THUMPD1: variants seen among roughly 807,000 people sequenced by gnomAD.
THUMPD1 encodes the protein THUMP domain 1 NAT10 acetyltransferase adaptor.
In THUMPD1, 31 loss-of-function variants were observed where a neutral mutation model predicts 31.6. That is an observed-to-expected ratio of 0.98 (90% confidence interval 0.74 to 1.32). The LOEUF (loss-of-function observed/expected upper bound fraction) is 1.32. THUMPD1 is among the 40% of genes most tolerant of loss of function. The pLI is 0.00. For synonymous variants in THUMPD1, 166 were observed against 158.2 expected (o/e 1.05, Z -0.37); for missense variants, 446 against 427.8 (o/e 1.04, Z -0.38).
chr16:20,738,973 T>C lies in THUMPD1; in HGVS notation c.330A>G (p.Thr110=). 3.7e-6 allele frequency: 6 copies of C among 1,614,270 alleles called. No individual in the cohort carries two copies. Among genetic ancestry groups the C allele is most frequent in the South Asian group, 2.2e-5 (2 of 91,090 alleles). Residue 110 remains threonine, a synonymous_variant, in exon 2 of 4, where the codon ACA becomes ACG. Transcript: ENST00000396083. The part of the protein sequence containing the change: ...KKEVGDIKAS[T]EMRLRRFQSV... ...ACTGGAATCTTCTTAACCTCATCTC[T>C]GTAGATGCCTTAATGTCACCAACTT...
Position 20,741,788 on chromosome 16 carries a change from G to A in THUMPD1, c.-49C>T, listed in dbSNP as rs545428946. 1.3e-6 allele frequency: 2 copies of A among 1,548,368 alleles called. No homozygotes were observed. Among genetic ancestry groups the A allele is most frequent in the Non-Finnish European group, 1.7e-6 (2 of 1,147,052 alleles). ...GAGAAACGTTTCTCCGCTGCTGTTG[G>A]CGTCCTCGTCTATCGCCGGCGCGAA... On this transcript the variant is annotated 5_prime_UTR_variant, in exon 1 of 4. Transcript: ENST00000396083.
In THUMPD1 at chr16:20,741,701, G is replaced by A; in HGVS notation, c.39C>T (p.Gly13=). The change falls in exon 1 of 4, where the codon GGC becomes GGT. Residue 13 remains glycine, a synonymous_variant. Coordinates refer to ENST00000396083, the MANE Select transcript of THUMPD1 (RefSeq NM_017736.5). ...APAQQTTQPG[G]GKRKGKAQYV... ...ACTGAGCCTTGCCTTTGCGCTTCCCGCCGCCAGGCTGAGTAGTCTGCTGGG... is the reference window on the plus strand; with the variant it reads ...ACTGAGCCTTGCCTTTGCGCTTCCCACCGCCAGGCTGAGTAGTCTGCTGGG... 6.3e-7 allele frequency: 1 copy of A among 1,578,270 alleles called. No individual in the cohort carries two copies. The highest frequency in any genetic ancestry group is 2.3e-5 in the East Asian group (1 of 43,216).
At position 20,737,758 on chromosome 16, in the gene THUMPD1, G is replaced by C. The variant is rs1465622915; in HGVS notation, c.605C>G (p.Ser202Cys). 2 of 1,613,562 alleles carry C rather than the reference G, an allele frequency of 1.2e-6. No individual in the cohort carries two copies. The highest frequency in any genetic ancestry group is 2.7e-5 in the African/African-American group (2 of 74,882). Reference protein sequence around the residue: ...NKGTFQIVYKSRNNSHVNREE... With the variant: ...NKGTFQIVYKCRNNSHVNREE... ...TCTATTCACATGACTGTTATTTCGA[G>C]ATTTGTACACAATCTGAAATGTCCC... The change falls in exon 3 of 4, where the codon TCT (serine) becomes TGT (cysteine). Residue 202 changes from serine (S) to cysteine (C), a missense_variant. Transcript: ENST00000396083.
chr16:20,741,794 T>C lies in THUMPD1; in HGVS notation c.-55A>G. On this transcript the variant is annotated 5_prime_UTR_variant, in exon 1 of 4. Coordinates refer to ENST00000396083, the MANE Select transcript of THUMPD1 (RefSeq NM_017736.5). ...CGTTTCTCCGCTGCTGTTGGCGTCC[T>C]CGTCTATCGCCGGCGCGAACTGGTG... 1.3e-6 allele frequency: 2 copies of C among 1,547,010 alleles called. No individual in the cohort carries two copies. The highest frequency in any genetic ancestry group is 1.7e-6 in the Non-Finnish European group (2 of 1,146,946).
intron 1 of THUMPD1, 28 bp downstream of exon 1, chr16:20,741,481 G>GCA: frequency 3.1e-6 from 4 of 1,308,412 alleles, no homozygotes; most frequent in Admixed American, 3.7e-5. Context: ...CTGGCAGCCG[G>GCA]CCCGCCCGCC....
At chr16:20,738,356 T>C (rs2079889382) in intron 2 of THUMPD1, 2 of 394,420 alleles carry the variant, frequency 5.1e-6, no homozygotes, top group Non-Finnish European at 9.9e-6. Context: ...AAAGATGTAA[T>C]TAATCCATTA....
intron 1 of THUMPD1, among the ~76,000 whole-genome samples, chr16:20,739,533 G>A (rs1373211085): frequency 6.6e-6 from 1 of 152,026 alleles, no homozygotes; most frequent in South Asian, 2.1e-4. Flanking sequence ...TCAAAACGTG[G>A]AGCAAGGCCG....
chr16:20,734,381 T>G lies in THUMPD1; in HGVS notation c.*2499A>C, dbSNP rs1378206825. 1 of 152,590 alleles carries G rather than the reference T, an allele frequency of 6.6e-6. No individual in the cohort carries two copies. Among genetic ancestry groups the G allele is most frequent in the Admixed American group, 6.5e-5 (1 of 15,268 alleles). 9.5% of individuals were successfully genotyped at this position (152,590 alleles called of 1,614,324 possible). A position where few individuals can be genotyped will look rare whatever the true frequency, so the allele number is the denominator to read the frequency against. Reference sequence around the variant, plus strand: ...TCTTATCAATCATTGCAAGGTAACTTCAATGTCATTAAGTATTAACATTCT... The same window carrying G: ...TCTTATCAATCATTGCAAGGTAACTGCAATGTCATTAAGTATTAACATTCT... On this transcript the variant is annotated 3_prime_UTR_variant, in exon 4 of 4. Coordinates refer to ENST00000396083, the MANE Select transcript of THUMPD1 (RefSeq NM_017736.5).
chr16:20,740,509 T>C (rs2079907843), intron 1 of THUMPD1, among the ~76,000 whole-genome samples: 1 of 152,248 alleles, frequency 6.6e-6, no homozygotes, highest in Admixed American at 6.5e-5. Context: ...ATAATAATTG[T>C]ATACATTTAC....
At position 20,737,253 on chromosome 16, in the gene THUMPD1, A is replaced by C. The variant is rs748347457; in HGVS notation, c.689T>G (p.Val230Gly). 1 of 1,613,748 alleles carries C rather than the reference A, an allele frequency of 6.2e-7. No individual in the cohort carries two copies. The highest frequency in any genetic ancestry group is 8.5e-7 in the Non-Finnish European group (1 of 1,179,728). Reference sequence around the variant, plus strand: ...TGTGTACTGTGGATTGGTGAGATCCACTTTATTTTCTGAATTGAGGGTGCA... The same window carrying C: ...TGTGTACTGTGGATTGGTGAGATCCCCTTTATTTTCTGAATTGAGGGTGCA... ...IVCTLNSENK[V>G]DLTNPQYTVV... Residue 230 changes from valine (V) to glycine (G), a missense_variant, in exon 4 of 4, where the codon GTG becomes GGG. Transcript: ENST00000396083.
At position 20,737,140 on chromosome 16, in the gene THUMPD1, C is replaced by T. The variant is rs1159608532; in HGVS notation, c.802G>A (p.Val268Met). 6.2e-7 allele frequency: 1 copy of T among 1,614,098 alleles called. No individual in the cohort carries two copies. The highest frequency in any genetic ancestry group is 1.3e-5 in the African/African-American group (1 of 74,934). ...TGTGACGGATCCTTAGGGCTCTTCA[C>T]CACCTCCTGGAGATTGTATTTTCTA... ...LFRKYNLQEV[V>M]KSPKDPSQLN... Residue 268 changes from valine to methionine, a missense_variant, in exon 4 of 4, where the codon GTG becomes ATG. Coordinates refer to ENST00000396083, the MANE Select transcript of THUMPD1 (RefSeq NM_017736.5).
rs776134948 is a variant in THUMPD1 at position 20,737,748 on chromosome 16, G to A, written c.615C>T (p.Asn205=). Reference sequence around the variant, plus strand: ...TAACTTCTTCTCTATTCACATGACTGTTATTTCGAGATTTGTACACAATCT... The same window carrying A: ...TAACTTCTTCTCTATTCACATGACTATTATTTCGAGATTTGTACACAATCT... ...TFQIVYKSRN[N]SHVNREEVIR... Residue 205 remains asparagine (N), a synonymous_variant, in exon 3 of 4, where the codon AAC becomes AAT. Coordinates refer to ENST00000396083, the MANE Select transcript of THUMPD1 (RefSeq NM_017736.5). The A allele has an allele frequency of 4.3e-6, 7 of 1,613,576 alleles. No homozygotes were observed. Among genetic ancestry groups the A allele is most frequent in the Middle Eastern group, 1.7e-4 (1 of 6,052 alleles).
chr16:20,737,679 C>A, intron 3 of THUMPD1, 29 bp downstream of exon 3: 1 of 1,578,004 alleles, frequency 6.3e-7, no homozygotes, highest in Non-Finnish European at 8.6e-7. Flanking sequence ...CCATTGAATG[C>A]CTATGGAAAA....
Position 20,736,741 on chromosome 16 carries a change from A to C in THUMPD1, c.*139T>G. ...AAAAAACTGTTAACAGGGCTGCGCAATCATTGCTCACTACTGTGAGAACAG... is the reference window on the plus strand; with the variant it reads ...AAAAAACTGTTAACAGGGCTGCGCACTCATTGCTCACTACTGTGAGAACAG... On this transcript the variant is annotated 3_prime_UTR_variant, in exon 4 of 4. Transcript: ENST00000396083. The C allele has an allele frequency of 1.2e-6, 1 of 835,428 alleles. No individual in the cohort carries two copies. The highest frequency in any genetic ancestry group is 1.8e-6 in the Non-Finnish European group (1 of 543,760). 51.8% of individuals were successfully genotyped at this position (835,428 alleles called of 1,614,324 possible). A position where few individuals can be genotyped will look rare whatever the true frequency, so the allele number is the denominator to read the frequency against.
At position 20,736,717 on chromosome 16, in the gene THUMPD1, A is replaced by G; in HGVS notation, c.*163T>C. 1 of 705,750 alleles carries G rather than the reference A, an allele frequency of 1.4e-6. No individual in the cohort carries two copies. Among genetic ancestry groups the G allele is most frequent in the Non-Finnish European group, 2.3e-6 (1 of 434,032 alleles). The allele number at this position is 705,750 out of a possible 1,614,324, so 43.7% of individuals were successfully genotyped here. On this transcript the variant is annotated 3_prime_UTR_variant, in exon 4 of 4. Coordinates refer to ENST00000396083, the MANE Select transcript of THUMPD1 (RefSeq NM_017736.5). Reference sequence around the variant, plus strand: ...ACCATAAAGGCTGAAAGATCCCTAAAAAAACTGTTAACAGGGCTGCGCAAT... The same window carrying G: ...ACCATAAAGGCTGAAAGATCCCTAAGAAAACTGTTAACAGGGCTGCGCAAT...
At chr16:20,737,648 T>A in intron 3 of THUMPD1, 60 bp downstream of exon 3, 8 of 1,516,838 alleles carry the variant, frequency 5.3e-6, no homozygotes, top group Non-Finnish European at 7.1e-6. Flanking sequence ...AAGAAAAAAA[T>A]CCTTAAAAAA....
chr16:20,738,167 A>G (rs2079886886), intron 2 of THUMPD1: 5 of 615,776 alleles, frequency 8.1e-6, no homozygotes, highest in Non-Finnish European at 1.5e-5. Context: ...ACTTTTCATC[A>G]TTATTACTGC....
At chr16:20,737,477 T>G (rs1230895435) in intron 3 of THUMPD1, among the ~76,000 whole-genome samples, 191 bp from the exon 4 acceptor site, 1 of 152,180 alleles carries the variant, frequency 6.6e-6, no homozygotes, top group Non-Finnish European at 1.5e-5. Flanking sequence ...TAATAAGAAT[T>G]TTTTTCCAAA....
chr16:20,739,019 G>GCAT lies in THUMPD1; in HGVS notation c.281_283dup (p.Asp94dup), dbSNP rs2079894936. On this transcript the variant is annotated inframe_insertion, in exon 2 of 4. Transcript: ENST00000396083. ...AACTTCTTTCTTCAAGGCAGCCTCC[G>GCAT]CATCATCATCCTCTCCCTCACTTCC... 2 of 1,613,964 alleles carry GCAT rather than the reference G, an allele frequency of 1.2e-6. No individual in the cohort carries two copies. The highest frequency in any genetic ancestry group is 1.7e-5 in the Admixed American group (1 of 59,988).
Sources: gnomAD v4.1 joint callset for allele counts (sites outside exome capture counted in the v4.1 genomes callset) on GRCh38, gnomAD v4.1.1 for gene constraint, MANE v1.5 for transcripts, NCBI Gene and HGNC (gene_info 2026-07-23, HGNC 2026-07-21) for gene names.